The following JPH3 variants were observed in gnomAD, a reference collection of about 807,000 sequenced individuals.
The protein encoded by JPH3 is junctophilin-3.
In JPH3, 11 loss-of-function variants were observed where a neutral mutation model predicts 59.6. The observed-to-expected ratio is 0.18, with a 90% CI of 0.12 to 0.31. JPH3 has a LOEUF of 0.31. Among genes scored for constraint, JPH3 ranks in the 10% least tolerant of loss-of-function variants. The pLI is 1.00. For synonymous variants in JPH3, 673 were observed against 483.6 expected (o/e 1.39, Z -5.14); for missense variants, 1,202 against 1,105.7 (o/e 1.09, Z -1.24).
At chr16:87,681,577 T>G (rs1333315427) in intron 2 of JPH3, among the ~76,000 whole-genome samples, 3 of 123,992 alleles carry the variant, frequency 2.4e-5, no homozygotes, top group Non-Finnish European at 3.3e-5. Context: ...TGATGACAGT[T>G]CCGGGAGGTC....
rs879632082 is a variant in JPH3 at position 87,681,901 on chromosome 16, C to G, written c.1161-2241C>G. Among the ~76,000 whole-genome samples the G allele has an allele frequency of 4.9e-4, 74 of 152,186 alleles. 1 individual carries two copies. Among genetic ancestry groups the G allele is most frequent in the African/African-American group, 1.7e-3 (72 of 41,448 alleles). ...TGAGCCTCGGATTCTCTGTCCAGGG[C>G]TAGCTGTGTTCAGGCCGCGCATCTT... On this transcript the variant is annotated intron_variant, in intron 2 of 4. Transcript: ENST00000284262.
chr16:87,690,023 G>C lies in JPH3; in HGVS notation c.1663G>C (p.Asp555His), dbSNP rs755412585. 1 of 1,533,342 alleles carries C rather than the reference G, an allele frequency of 6.5e-7. No homozygotes were observed. The highest frequency in any genetic ancestry group is 2.5e-5 in the East Asian group (1 of 40,688). 95.0% of individuals were successfully genotyped at this position (1,533,342 alleles called of 1,614,324 possible). A position where few individuals can be genotyped will look rare whatever the true frequency, so the allele number is the denominator to read the frequency against. ...CCTGCGCGGCGGCCTGCTCGTGGAT[G>C]ACTTCCGCACCCGAGGTTCGGGCCG... ...GALRGGLLVD[D>H]FRTRGSGRKQ... Residue 555 changes from aspartate (D) to histidine (H), a missense_variant, in exon 4 of 5, where the codon GAC (aspartate) becomes CAC (histidine). Coordinates refer to ENST00000284262, the MANE Select transcript of JPH3 (RefSeq NM_020655.4).
chr16:87,641,843 G>T (rs967995679), intron 1 of JPH3, among the ~76,000 whole-genome samples: 9 of 152,270 alleles, frequency 5.9e-5, no homozygotes, highest in Non-Finnish European at 2.9e-5. Context: ...AAGTCCCTCT[G>T]GGGGCTCGTG....
chr16:87,685,023 G>A (rs113635156), intron 3 of JPH3, among the ~76,000 whole-genome samples: 1 of 152,206 alleles, frequency 6.6e-6, no homozygotes, highest in African/African-American at 2.4e-5. Context: ...CCGGTGAGCG[G>A]TATTCGGATG....
chr16:87,650,452 G>C (rs573481371), intron 2 of JPH3, among the ~76,000 whole-genome samples: 12 of 152,244 alleles, frequency 7.9e-5, no homozygotes, highest in African/African-American at 2.2e-4. Flanking sequence ...CACTCCAATG[G>C]TCTCTAAGTG....
chr16:87,612,903 G>GTA (rs1283033194), intron 1 of JPH3, among the ~76,000 whole-genome samples: 2 of 151,604 alleles, frequency 1.3e-5, no homozygotes, highest in Non-Finnish European at 2.9e-5. Context: ...GCGGGCACCT[G>GTA]TAGTCCCAGC....
intron 1 of JPH3, among the ~76,000 whole-genome samples, chr16:87,626,029 T>G (rs1432614708): frequency 6.6e-6 from 1 of 152,170 alleles, no homozygotes; most frequent in East Asian, 1.9e-4. Flanking sequence ...CTGGATTCCT[T>G]AGCTCAGGTT....
intron 2 of JPH3, among the ~76,000 whole-genome samples, chr16:87,655,576 A>G (rs765294089): frequency 6.6e-6 from 1 of 151,662 alleles, no homozygotes; most frequent in Non-Finnish European, 1.5e-5. Flanking sequence ...CTGGTCTCCA[A>G]CTCCTGGCCT....
chr16:87,696,792 C>A lies in JPH3; in HGVS notation c.*132C>A. On this transcript the variant is annotated 3_prime_UTR_variant, in exon 5 of 5. Coordinates refer to ENST00000284262, the MANE Select transcript of JPH3 (RefSeq NM_020655.4). ...CTTCCAAGTCCTCTCACAGAAGAAC[C>A]ACACGATTGGGTATCACTCACAGTT... 1 of 726,656 alleles carries A rather than the reference C, an allele frequency of 1.4e-6. No homozygotes were observed. Among genetic ancestry groups the A allele is most frequent in the East Asian group, 2.7e-5 (1 of 37,504 alleles). 45.0% of individuals were successfully genotyped at this position (726,656 alleles called of 1,614,324 possible). A position where few individuals can be genotyped will look rare whatever the true frequency, so the allele number is the denominator to read the frequency against.
At chr16:87,670,913 G>A (rs143694818) in intron 2 of JPH3, among the ~76,000 whole-genome samples, 6 of 152,298 alleles carry the variant, frequency 3.9e-5, no homozygotes, top group Non-Finnish European at 7.4e-5. Flanking sequence ...GTGACATTTG[G>A]TCAGAGGCCC....
intron 1 of JPH3, among the ~76,000 whole-genome samples, chr16:87,628,950 C>T (rs1043892882): frequency 1.6e-4 from 24 of 152,108 alleles, no homozygotes; most frequent in Non-Finnish European, 3.2e-4. Flanking sequence ...TGCCCTGGGT[C>T]CACAAATCAG....
chr16:87,659,239 T>C (rs2032615118), intron 2 of JPH3, among the ~76,000 whole-genome samples: 1 of 151,800 alleles, frequency 6.6e-6, no homozygotes, highest in South Asian at 2.1e-4. Flanking sequence ...CAGCCGGGTA[T>C]GGTGGCAGGC....
chr16:87,683,429 T>C (rs905936275), intron 2 of JPH3, among the ~76,000 whole-genome samples: 3 of 150,852 alleles, frequency 2.0e-5, no homozygotes, highest in Non-Finnish European at 4.4e-5. Context: ...CTCAGCCTCC[T>C]GAGTAGCTGG....
chr16:87,622,431 C>T (rs760163520), intron 1 of JPH3, among the ~76,000 whole-genome samples: 6 of 152,184 alleles, frequency 3.9e-5, no homozygotes, highest in Admixed American at 6.5e-5. Flanking sequence ...AGCTGTGTTC[C>T]CATTTCTCAG....
chr16:87,674,150 C>T (rs1479651164), intron 2 of JPH3, among the ~76,000 whole-genome samples: 6 of 151,540 alleles, frequency 4.0e-5, no homozygotes, highest in African/African-American at 7.3e-5. Flanking sequence ...CTGGCTAACA[C>T]GGTGAAACCC....
intron 3 of JPH3, among the ~76,000 whole-genome samples, chr16:87,688,557 C>T (rs953668354): frequency 6.6e-5 from 10 of 151,958 alleles, no homozygotes; most frequent in Non-Finnish European, 1.5e-4. Context: ...GCGTGAGAGA[C>T]TCTAAGATGG....
At chr16:87,642,220 T>C (rs1375555311) in intron 1 of JPH3, among the ~76,000 whole-genome samples, 1 of 84,092 alleles carries the variant, frequency 1.2e-5, no homozygotes, top group Non-Finnish European at 2.7e-5. Context: ...GTGGGGCGTG[T>C]GAGTGGAGGG....
intron 1 of JPH3, among the ~76,000 whole-genome samples, chr16:87,636,166 C>G (rs1373942360): frequency 1.3e-5 from 2 of 152,206 alleles, no homozygotes; most frequent in Non-Finnish European, 2.9e-5. Flanking sequence ...CTTTGGGAAT[C>G]AGCGGCTTGG....
chr16:87,636,516 G>A (rs963136292), intron 1 of JPH3, among the ~76,000 whole-genome samples: 27 of 152,322 alleles, frequency 1.8e-4, no homozygotes, highest in African/African-American at 5.8e-4. Context: ...GGCCCAGCCC[G>A]CAGAGCTCCC....
Sources: allele counts gnomAD v4.1 joint callset (sites outside exome capture counted in the v4.1 genomes callset), GRCh38; gene constraint gnomAD v4.1.1; transcripts MANE v1.5; gene names NCBI Gene and HGNC (gene_info 2026-07-23, HGNC 2026-07-21).